Variants in STK24 observed in about 807,000 individuals in gnomAD.
STK24 encodes serine/threonine kinase 24.
STK24 carries 21 observed loss-of-function variants against 55.6 expected under a neutral mutation model. That is an observed-to-expected ratio of 0.38 (90% CI 0.27 to 0.54). The LOEUF (loss-of-function observed/expected upper bound fraction) is 0.54. Ranked by LOEUF, STK24 falls within the 20% of genes least tolerant of loss-of-function variation. The pLI, the probability that STK24 is intolerant of heterozygous loss-of-function variation, is 0.79. For missense variants in STK24, 383 were observed against 538.4 expected (o/e 0.71, Z 2.86); for synonymous variants, 200 against 215.2 (o/e 0.93, Z 0.62).
chr13:98,453,532 T>G (rs1893301479), intron 10 of STK24: 1 of 265,778 alleles, frequency 3.8e-6, no homozygotes, highest in Non-Finnish European at 7.1e-6. Flanking sequence ...GATCCATACA[T>G]GATGACACAG....
intron 2 of STK24, among the ~76,000 whole-genome samples, chr13:98,493,435 G>T (rs528700918): frequency 6.6e-6 from 1 of 152,238 alleles, no homozygotes; most frequent in South Asian, 2.1e-4. Flanking sequence ...TGAGGGAAAA[G>T]AAAAGAAACA....
chr13:98,470,412 T>C (rs1894098790), intron 5 of STK24, among the ~76,000 whole-genome samples: 1 of 152,228 alleles, frequency 6.6e-6, no homozygotes, highest in South Asian at 2.1e-4. Context: ...ATTATAGGCG[T>C]GAGCCACTGT....
At position 98,519,356 on chromosome 13, in the gene STK24, T is replaced by C; in HGVS notation, c.160A>G (p.Ile54Val). 1 of 1,614,234 alleles carries C rather than the reference T, an allele frequency of 6.2e-7. No homozygotes were observed. Among genetic ancestry groups the C allele is most frequent in the Non-Finnish European group, 8.5e-7 (1 of 1,180,046 alleles). Residue 54 changes from isoleucine to valine, a missense_variant, in exon 2 of 11, where the codon ATC (isoleucine) becomes GTC (valine). By Grantham distance (29) the Ile-to-Val change is conservative (BLOSUM62 3). Transcript: ENST00000539966. ...NRTQKVVAIK[I>V]IDLEEAEDEI... is the part of the protein sequence containing the mutation. Reference sequence around the variant, plus strand: ...TCTTCAGCTTCTTCCAGATCAATGATCTTTATGGCAACCACTTTCTGAGTC... The same window carrying C: ...TCTTCAGCTTCTTCCAGATCAATGACCTTTATGGCAACCACTTTCTGAGTC...
At chr13:98,509,403 AAAAC>A (rs966598405) in intron 2 of STK24, among the ~76,000 whole-genome samples, 23 of 152,296 alleles carry the variant, frequency 1.5e-4, no homozygotes, top group African/African-American at 5.1e-4. Flanking sequence ...CAATTTTAAA[AAAAC>A]AAACAAGGGG....
intron 10 of STK24, chr13:98,456,466 A>C: frequency 2.0e-6 from 1 of 507,032 alleles, no homozygotes; most frequent in Non-Finnish European, 4.0e-6. Context: ...CCCTCAGGTC[A>C]CACAGAGCGG....
At chr13:98,510,232 G>A (rs1160998043) in intron 2 of STK24, among the ~76,000 whole-genome samples, 4 of 152,154 alleles carry the variant, frequency 2.6e-5, no homozygotes, top group East Asian at 3.9e-4. Context: ...CAAGTTTCCC[G>A]AGTCGGGGCT....
chr13:98,537,543 C>T (rs911950069), intron 1 of STK24, among the ~76,000 whole-genome samples: 1 of 152,174 alleles, frequency 6.6e-6, no homozygotes, highest in African/African-American at 2.4e-5. Flanking sequence ...ACGCACTGGC[C>T]AGGGTGCCGG....
At chr13:98,487,500 C>T (rs1894852831) in intron 2 of STK24, among the ~76,000 whole-genome samples, 1 of 152,126 alleles carries the variant, frequency 6.6e-6, no homozygotes, top group Admixed American at 6.5e-5. Context: ...CATTACCCAG[C>T]AAACCAACCG....
At chr13:98,560,835 C>T (rs1250662075) in intron 1 of STK24, among the ~76,000 whole-genome samples, 3 of 151,396 alleles carry the variant, frequency 2.0e-5, no homozygotes, top group African/African-American at 7.3e-5. Context: ...GAGCCGAGAT[C>T]ACGCCACTGC....
intron 1 of STK24, among the ~76,000 whole-genome samples, chr13:98,525,321 C>T (rs1356030927): frequency 6.6e-6 from 1 of 152,196 alleles, no homozygotes; most frequent in Non-Finnish European, 1.5e-5. Context: ...GGCCCCTCAA[C>T]CCCACAGCCC....
intron 4 of STK24, 83 bp downstream of exon 4, chr13:98,475,167 A>C (rs1485087231): frequency 2.1e-6 from 3 of 1,419,788 alleles, no homozygotes; most frequent in Non-Finnish European, 2.9e-6. Flanking sequence ...AATGGGCGCC[A>C]GCACCTTCCC....
Position 98,446,984 on chromosome 13 carries a change from A to C in STK24, c.*6189T>G. ...GACACCAGCAGGCGATTCTGTTCTC[A>C]TGGCAGAAAGTGGGGTCCCAACTTC... On this transcript the variant is annotated 3_prime_UTR_variant, in exon 11 of 11. Transcript: ENST00000539966. 1.5e-6 allele frequency: 1 copy of C among 686,212 alleles called. No homozygotes were observed. The highest frequency in any genetic ancestry group is 2.4e-6 in the Non-Finnish European group (1 of 413,598). The allele number at this position is 686,212 out of a possible 1,614,324, so 42.5% of individuals were successfully genotyped here.
intron 2 of STK24, among the ~76,000 whole-genome samples, chr13:98,485,308 G>A (rs1415096870): frequency 6.6e-6 from 1 of 152,222 alleles, no homozygotes; most frequent in Non-Finnish European, 1.5e-5. Context: ...GGGGAAGCCA[G>A]TGAGCCAGAA....
chr13:98,511,105 C>T (rs1387640982), intron 2 of STK24, among the ~76,000 whole-genome samples: 1 of 152,142 alleles, frequency 6.6e-6, no homozygotes, highest in Non-Finnish European at 1.5e-5. Context: ...CTCAAGTGAT[C>T]CTCCCACCTC....
rs1185990415 is a variant in STK24, at chr13:98,448,326, C to T, written c.*4847G>A. On this transcript the variant is annotated 3_prime_UTR_variant, in exon 11 of 11. Coordinates refer to ENST00000539966, the MANE Select transcript of STK24 (RefSeq NM_001032296.4). Reference sequence around the variant, plus strand: ...AGTCTCTTGTGTATTGATGGCCGGACACACTCGTTTCCGCAGTGGCTGCTT... The same window carrying T: ...AGTCTCTTGTGTATTGATGGCCGGATACACTCGTTTCCGCAGTGGCTGCTT... 1 of 1,602,606 alleles carries T rather than the reference C, an allele frequency of 6.2e-7. No homozygotes were observed. The highest frequency in any genetic ancestry group is 8.6e-7 in the Non-Finnish European group (1 of 1,169,410).
chr13:98,569,428 A>C (rs1378880664), intron 1 of STK24, among the ~76,000 whole-genome samples: 1 of 102,926 alleles, frequency 9.7e-6, no homozygotes, highest in Non-Finnish European at 2.2e-5. Context: ...AAAAAAAAAC[A>C]AAAAAAAACA....
intron 1 of STK24, among the ~76,000 whole-genome samples, chr13:98,555,656 G>A (rs1313458784): frequency 1.3e-5 from 2 of 150,360 alleles, no homozygotes; most frequent in Non-Finnish European, 3.0e-5. Context: ...AATTAAAAAC[G>A]TCCTACACAT....
chr13:98,515,453 A>G (rs1896024155), intron 2 of STK24, among the ~76,000 whole-genome samples: 1 of 150,926 alleles, frequency 6.6e-6, no homozygotes, highest in Non-Finnish European at 1.5e-5. Context: ...CAACGGGTGA[A>G]GTTTTTTCCA....
chr13:98,529,641 G>T (rs1896529412), intron 1 of STK24, among the ~76,000 whole-genome samples: 1 of 152,108 alleles, frequency 6.6e-6, no homozygotes, highest in South Asian at 2.1e-4. Context: ...AATTTGACTG[G>T]TGGAGAATAG....
Sources: allele counts gnomAD v4.1 joint callset (sites outside exome capture counted in the v4.1 genomes callset), GRCh38; gene constraint gnomAD v4.1.1; transcripts MANE v1.5; gene names NCBI Gene and HGNC (gene_info 2026-07-23, HGNC 2026-07-21).